DCBLD1: variants seen among roughly 807,000 people sequenced by gnomAD.
The protein encoded by DCBLD1 is discoidin, CUB and LCCL domain containing 1.
In DCBLD1, 57 loss-of-function variants were observed where a neutral mutation model predicts 71.5. The ratio of observed to expected loss-of-function variants is 0.80; its 90% confidence interval spans 0.64 to 0.99. DCBLD1 has a LOEUF of 0.99. Among genes scored for constraint, DCBLD1 ranks in the 50% least tolerant of loss-of-function variants. DCBLD1 has a pLI of 0.00. For synonymous variants in DCBLD1, 380 were observed against 363.8 expected (o/e 1.04, Z -0.51); for missense variants, 891 against 923.5 (o/e 0.96, Z 0.46).
At chr6:117,490,107 ACAC>A (rs1212358007) in intron 1 of DCBLD1, among the ~76,000 whole-genome samples, 1 of 149,082 alleles carries the variant, frequency 6.7e-6, no homozygotes, top group African/African-American at 2.6e-5. Context: ...ACACACACAC[ACAC>A]ACACACACAC....
chr6:117,554,535 T>C (rs970568688), downstream of DCBLD1, among the ~76,000 whole-genome samples: 1 of 152,230 alleles, frequency 6.6e-6, no homozygotes, highest in African/African-American at 2.4e-5. Context: ...CATCTGGTTA[T>C]AGATATGAAT....
At chr6:117,565,166 C>G (rs1402997037) in intron 14 of DCBLD1, among the ~76,000 whole-genome samples, 1 of 151,938 alleles carries the variant, frequency 6.6e-6, no homozygotes, top group Non-Finnish European at 1.5e-5. Context: ...CTCTATGTTC[C>G]AAACAAAAAA....
intron 14 of DCBLD1, among the ~76,000 whole-genome samples, chr6:117,566,366 T>C (rs1206833688): frequency 6.6e-6 from 1 of 152,164 alleles, no homozygotes; most frequent in African/African-American, 2.4e-5. Context: ...AGTTTTTCCT[T>C]AAAATATGTC....
chr6:117,542,308 A>G (rs1412617929), intron 11 of DCBLD1, among the ~76,000 whole-genome samples: 1 of 150,850 alleles, frequency 6.6e-6, no homozygotes, highest in Non-Finnish European at 1.5e-5. Context: ...AAAAAAAAAA[A>G]GAAAAAGAAG....
rs373573017 is a variant in DCBLD1 at position 117,545,516 on chromosome 6, C to G, written c.1534C>G (p.Gln512Glu). 1 of 1,614,132 alleles carries G rather than the reference C, an allele frequency of 6.2e-7. No homozygotes were observed. The highest frequency in any genetic ancestry group is 1.3e-5 in the African/African-American group (1 of 75,048). Residue 512 changes from glutamine to glutamate, a missense_variant, in exon 14 of 15, where the codon CAG becomes GAG. By Grantham distance (29) the Gln-to-Glu change is conservative. Coordinates refer to ENST00000338728, the MANE Select transcript of DCBLD1 (RefSeq NM_001366458.2). ...GATTAAATATCCCTTTGCCAGACATCAGTCAGCTGAGTTTACCATCAGCTA... is the reference window on the plus strand; with the variant it reads ...GATTAAATATCCCTTTGCCAGACATGAGTCAGCTGAGTTTACCATCAGCTA... Reference protein sequence around the residue: ...KQIKYPFARHQSAEFTISYDN... With the variant: ...KQIKYPFARHESAEFTISYDN...
intron 14 of DCBLD1, chr6:117,566,841 G>A: frequency 6.7e-7 from 1 of 1,499,884 alleles, no homozygotes; most frequent in Non-Finnish European, 8.9e-7. Flanking sequence ...ATAATTTTTA[G>A]AGTGATTTTT....
At chr6:117,520,474 C>T (rs553648770) in intron 3 of DCBLD1, among the ~76,000 whole-genome samples, 89 of 152,242 alleles carry the variant, frequency 5.8e-4, no homozygotes, top group Non-Finnish European at 1.1e-3. Context: ...CTCTGGAGCC[C>T]TCCCCCATCC....
At chr6:117,517,912 T>A (rs746922349) in intron 2 of DCBLD1, among the ~76,000 whole-genome samples, 2 of 152,216 alleles carry the variant, frequency 1.3e-5, no homozygotes, top group Admixed American at 6.5e-5. Flanking sequence ...CTTGAAGACC[T>A]CTGACATGCC....
At chr6:117,544,427 AC>A (rs1779197840) in intron 12 of DCBLD1, 100 bp from the exon 13 acceptor site, 1 of 1,134,546 alleles carries the variant, frequency 8.8e-7, no homozygotes, top group Admixed American at 2.9e-5. Flanking sequence ...TCTCACATCA[AC>A]CCTATGAGGT....
chr6:117,494,904 C>G (rs990487871), intron 1 of DCBLD1: 2 of 152,142 alleles, frequency 1.3e-5, no homozygotes, highest in Non-Finnish European at 2.9e-5. Flanking sequence ...GGAGATGCCC[C>G]AAGAGGAAAG....
At chr6:117,555,576 G>T (rs1376890091) in intron 14 of DCBLD1, among the ~76,000 whole-genome samples, 1 of 152,170 alleles carries the variant, frequency 6.6e-6, no homozygotes, top group Admixed American at 6.5e-5. Flanking sequence ...ACACAAGCAA[G>T]AAATAACTTA....
At position 117,563,285 on chromosome 6, in the gene DCBLD1, A is replaced by G. The variant is rs201340669; in HGVS notation, c.1616-6335A>G. 236 of 1,613,094 alleles carry G rather than the reference A, an allele frequency of 1.5e-4. 1 individual carries two copies. The highest frequency in any genetic ancestry group is 9.9e-4 in the Middle Eastern group (6 of 6,080). ...AGATTTTTTATGATACAGAGTGTGCAGATCATCTAATTTTGAAGCACCGTC... is the reference window on the plus strand; with the variant it reads ...AGATTTTTTATGATACAGAGTGTGCGGATCATCTAATTTTGAAGCACCGTC... On this transcript the variant is annotated intron_variant, in intron 14 of 14. Coordinates refer to the DCBLD1 transcript ENST00000296955.
intron 14 of DCBLD1, chr6:117,561,473 G>T: frequency 4.5e-6 from 1 of 220,206 alleles, no homozygotes; most frequent in Non-Finnish European, 9.1e-6. Context: ...TGCTACAATG[G>T]ACAATTTTTT....
chr6:117,487,692 G>C (rs1304944109), intron 1 of DCBLD1, among the ~76,000 whole-genome samples: 1 of 152,098 alleles, frequency 6.6e-6, no homozygotes, highest in Non-Finnish European at 1.5e-5. Flanking sequence ...CTAATCCAAT[G>C]TTGAATGTAA....
chr6:117,559,216 A>C (rs1160078823), intron 14 of DCBLD1, among the ~76,000 whole-genome samples: 3 of 152,218 alleles, frequency 2.0e-5, no homozygotes, highest in African/African-American at 7.2e-5. Context: ...AACACCAAAA[A>C]GGGATCTGCT....
chr6:117,489,845 C>A (rs1372503811), intron 1 of DCBLD1, among the ~76,000 whole-genome samples: 5 of 152,144 alleles, frequency 3.3e-5, no homozygotes, highest in Non-Finnish European at 4.4e-5. Flanking sequence ...AGATCACGCC[C>A]CTGCACTCCA....
At position 117,547,900 on chromosome 6, in the gene DCBLD1, G is replaced by T. The variant is rs1041061190; in HGVS notation, c.1616-7G>T. ...CCCGCTAGCTGCCATCTGTCTTGTG[G>T]TTTCAGATTACCAGCAGCCCCTCAT... On this transcript the variant is annotated splice_region_variant and splice_polypyrimidine_tract_variant and intron_variant, in intron 14 of 14. Coordinates refer to ENST00000338728, the MANE Select transcript of DCBLD1 (RefSeq NM_001366458.2). 1.9e-6 allele frequency: 3 copies of T among 1,550,388 alleles called. No homozygotes were observed. In the African/African-American group the frequency reaches 4.1e-5, roughly 21 times the overall value.
chr6:117,503,744 C>A, intron 1 of DCBLD1, 23 bp from the exon 2 acceptor site: 6 of 1,610,548 alleles, frequency 3.7e-6, no homozygotes, highest in Non-Finnish European at 5.1e-6. Context: ...TTCTTTTATT[C>A]CCCCCTTCTT....
At chr6:117,482,954 GCGGGGCGGGCCGGGCCGGGCCGAGGGCTA>G (rs774489848) in intron 1 of DCBLD1, 61 bp downstream of exon 1, 279,474 of 1,107,428 alleles carry the variant, frequency 0.25, 37,184 homozygotes, top group South Asian at 0.37. Flanking sequence ...GCTGAGGGCT[GCGGGGCGGGCCGGGCCGGGCCGAGGGCTA>G]CGGGGCGGGC....
Sources: allele counts gnomAD v4.1 joint callset (sites outside exome capture counted in the v4.1 genomes callset), GRCh38; gene constraint gnomAD v4.1.1; transcripts MANE v1.5; gene names NCBI Gene and HGNC (gene_info 2026-07-23, HGNC 2026-07-21).